Variants in WAPL observed in about 807,000 individuals in gnomAD.
The protein encoded by WAPL is WAPL cohesin release factor, also known as wings apart-like protein homolog.
In WAPL, 5 loss-of-function variants were observed where a neutral mutation model predicts 121.0. That is an observed-to-expected ratio of 0.04 (90% CI 0.02 to 0.09). The LOEUF is 0.09. Ranked by LOEUF, WAPL falls within the 10% of genes least tolerant of loss-of-function variation. WAPL has a pLI of 1.00. For synonymous variants in WAPL, 480 were observed against 481.5 expected, an observed-to-expected ratio of 1.00 and a Z score of 0.04; for missense variants, 999 against 1,410.8, an observed-to-expected ratio of 0.71 and a Z score of 4.68.
chr10:86,482,709 C>T (rs530846090), intron 4 of WAPL, among the ~76,000 whole-genome samples: 1 of 152,046 alleles, frequency 6.6e-6, no homozygotes, highest in African/African-American at 2.4e-5. Flanking sequence ...CAAATTTAGG[C>T]CCCAAATAAT....
chr10:86,448,825 G>A (rs763508446), intron 15 of WAPL, among the ~76,000 whole-genome samples: 5 of 152,064 alleles, frequency 3.3e-5, no homozygotes, highest in Admixed American at 6.6e-5. Context: ...ATGTTGCCCA[G>A]GCCAGGCTCA....
intron 4 of WAPL, among the ~76,000 whole-genome samples, chr10:86,477,350 T>C (rs1299819093): frequency 6.6e-6 from 1 of 152,200 alleles, no homozygotes; most frequent in Non-Finnish European, 1.5e-5. Flanking sequence ...GAAGTGATTG[T>C]GTGTACAATA....
Position 86,436,316 on chromosome 10 carries a change from C to T in WAPL, c.*1227G>A, listed in dbSNP as rs575660761. 6.6e-6 allele frequency: 1 copy of T among 152,240 alleles called. No homozygotes were observed. Among genetic ancestry groups the T allele is most frequent in the Non-Finnish European group, 1.5e-5 (1 of 67,990 alleles). 9.4% of individuals were successfully genotyped at this position (152,240 alleles called of 1,614,324 possible). Reference sequence around the variant, plus strand: ...CAATGAAGAAACATGATGTAACTACCTGAAAGGTATTTAAAAGTATTAATG... The same window carrying T: ...CAATGAAGAAACATGATGTAACTACTTGAAAGGTATTTAAAAGTATTAATG... On this transcript the variant is annotated 3_prime_UTR_variant, in exon 19 of 19. Transcript: ENST00000298767.
At position 86,465,686 on chromosome 10, in the gene WAPL, C is replaced by T. The variant is rs540489285; in HGVS notation, c.2370+1593G>A. ...TGCTTTCCATATAGCATATAAATCC[C>T]GGATGTGGGGTGTAATGGCATGGGG... On this transcript the variant is annotated intron_variant, in intron 9 of 18. Coordinates refer to ENST00000298767, the MANE Select transcript of WAPL (RefSeq NM_015045.5). Among the ~76,000 whole-genome samples, 65 of 152,238 alleles carry T rather than the reference C, an allele frequency of 4.3e-4. 1 individual carries two copies. Among genetic ancestry groups the T allele is most frequent in the Middle Eastern group, 3.4e-3 (1 of 294 alleles).
intron 4 of WAPL, among the ~76,000 whole-genome samples, chr10:86,493,381 T>C (rs1033770842): frequency 5.3e-5 from 8 of 152,118 alleles, no homozygotes; most frequent in Non-Finnish European, 7.4e-5. Flanking sequence ...ATAAGTATTA[T>C]ACAGTAAATA....
intron 9 of WAPL, among the ~76,000 whole-genome samples, chr10:86,464,040 A>G (rs1293609131): frequency 1.3e-5 from 2 of 152,242 alleles, no homozygotes; most frequent in Non-Finnish European, 2.9e-5. Context: ...ATCTGTCATG[A>G]AGCAAAGCAT....
At position 86,472,265 on chromosome 10, in the gene WAPL, A is replaced by G; in HGVS notation, c.1973T>C (p.Ile658Thr). The G allele has an allele frequency of 6.2e-7, 1 of 1,606,436 alleles. No individual in the cohort carries two copies. The highest frequency in any genetic ancestry group is 8.5e-7 in the Non-Finnish European group (1 of 1,178,454). The change falls in exon 7 of 19, where the codon ATT (isoleucine) becomes ACT (threonine). Residue 658 changes from isoleucine to threonine, a missense_variant. Physicochemically the swap from Ile to Thr is moderately conservative, Grantham distance 89 (BLOSUM62 -1). Transcript: ENST00000298767. This position sits in a 1 kb window ranked among gnomAD's most constrained non-coding sequence, Gnocchi z 4.2. The stretch of plus-strand genomic sequence containing the variant: ...CTTTAAGCCACTTAACAAGTACTCA[A>G]TGTCATCAGTGAACTCTTGATTTTC... ...FGENQEFTDD[I>T]EYLLSGLKST... is the part of the protein sequence containing the mutation.
chr10:86,461,120 T>C, intron 10 of WAPL, 56 bp downstream of exon 10: 3 of 1,286,886 alleles, frequency 2.3e-6, no homozygotes, highest in Admixed American at 1.9e-5. Context: ...GTCAATGGAG[T>C]ATTTTCTTCA....
In WAPL at chr10:86,461,208, A is replaced by G. The variant is rs1229748921; in HGVS notation, c.2450T>C (p.Leu817Pro). Residue 817 changes from leucine to proline, a missense_variant, in exon 10 of 19, where the codon CTT becomes CCT. Leu to Pro is a moderately conservative substitution (Grantham distance 98). Transcript: ENST00000298767. The stretch of plus-strand genomic sequence containing the variant: ...TACAATATGATCCAGACCACCCAAA[A>G]GCCGGAGTTCTTCTTTAAACCAGTC... Reference protein sequence around the residue: ...AGDWFKEELRLLGGLDHIVDK... With the variant: ...AGDWFKEELRPLGGLDHIVDK... 1 of 1,613,782 alleles carries G rather than the reference A, an allele frequency of 6.2e-7. No homozygotes were observed. Among genetic ancestry groups the G allele is most frequent in the Non-Finnish European group, 8.5e-7 (1 of 1,179,864 alleles).
At chr10:86,475,353 T>C (rs1385079807) in intron 4 of WAPL, among the ~76,000 whole-genome samples, 2 of 152,218 alleles carry the variant, frequency 1.3e-5, no homozygotes, top group African/African-American at 4.8e-5. Context: ...AAACACATCT[T>C]ATTTTCAGTA....
chr10:86,484,136 A>G (rs2132206016), intron 4 of WAPL, among the ~76,000 whole-genome samples: 1 of 152,354 alleles, frequency 6.6e-6, no homozygotes, highest in African/African-American at 2.4e-5. Flanking sequence ...GTTTGTTTTA[A>G]GCTATGTGTT....
chr10:86,446,177 T>C, intron 16 of WAPL, 65 bp downstream of exon 16: 10 of 1,568,224 alleles, frequency 6.4e-6, no homozygotes, highest in Non-Finnish European at 8.7e-6. Context: ...TTAAAATAGT[T>C]TGAAGAAAAA....
chr10:86,489,902 G>A (rs1461903695), intron 4 of WAPL, among the ~76,000 whole-genome samples: 1 of 106,966 alleles, frequency 9.3e-6, no homozygotes, highest in Non-Finnish European at 2.0e-5. Flanking sequence ...AAAAAAAAAG[G>A]CTACTACGTT....
intron 2 of WAPL, among the ~76,000 whole-genome samples, chr10:86,509,796 G>A (rs1205066809): frequency 2.3e-4 from 33 of 143,466 alleles, no homozygotes; most frequent in Non-Finnish European, 3.8e-4. Flanking sequence ...ACAGAGTCTC[G>A]CTCAGTCACC....
Position 86,472,528 on chromosome 10 carries a change from GA to G in WAPL, c.1893+83del. On this transcript the variant is annotated intron_variant, in intron 6 of 18. Transcript: ENST00000298767. This position sits in a 1 kb window ranked among gnomAD's most constrained non-coding sequence, Gnocchi z 4.2. ...GTTCAAAACTGAGTATCAGTATACT[GA>G]TATTTGTTGAAGATATTAAATGGCT... The G allele has an allele frequency of 6.4e-7, 1 of 1,560,170 alleles. No individual in the cohort carries two copies. Among genetic ancestry groups the G allele is most frequent in the South Asian group, 1.2e-5 (1 of 83,958 alleles).
At chr10:86,458,299 G>C (rs1474084602) in intron 12 of WAPL, among the ~76,000 whole-genome samples, 2 of 152,212 alleles carry the variant, frequency 1.3e-5, no homozygotes, top group East Asian at 3.8e-4. Context: ...GCTGTAATAA[G>C]ACAGAACCAG....
At chr10:86,520,464 TG>T (rs1471695413) in intron 1 of WAPL, among the ~76,000 whole-genome samples, 1 of 152,110 alleles carries the variant, frequency 6.6e-6, no homozygotes, top group Non-Finnish European at 1.5e-5. Flanking sequence ...ATCCAAGCGA[TG>T]GGTACAGAGA....
chr10:86,465,687 G>A (rs997764900), intron 9 of WAPL, among the ~76,000 whole-genome samples: 9 of 152,072 alleles, frequency 5.9e-5, no homozygotes, highest in Admixed American at 1.3e-4. Context: ...TATAAATCCC[G>A]GATGTGGGGT....
chr10:86,465,945 CTTTTTTTT>C (rs1321927989), intron 9 of WAPL, among the ~76,000 whole-genome samples: 1 of 151,336 alleles, frequency 6.6e-6, no homozygotes, highest in Non-Finnish European at 1.5e-5. Context: ...TTCTTTTTTT[CTTTTTTTT>C]CAAAACCACA....
Sources: allele counts gnomAD v4.1 joint callset (sites outside exome capture counted in the v4.1 genomes callset), GRCh38; gene constraint gnomAD v4.1.1; non-coding constraint Gnocchi (gnomAD v3.1); transcripts MANE v1.5; gene names NCBI Gene and HGNC (gene_info 2026-07-23, HGNC 2026-07-21).